The following GRM1 variants were observed in gnomAD, a reference collection of about 807,000 sequenced individuals.
GRM1 encodes glutamate metabotropic receptor 1.
In GRM1, 33 loss-of-function variants were observed where a neutral mutation model predicts 90.9. The observed-to-expected ratio is 0.36, with a 90% CI of 0.28 to 0.49. GRM1 has a LOEUF of 0.49. Ranked by LOEUF, GRM1 falls within the 20% of genes least tolerant of loss-of-function variation. The probability of loss-of-function intolerance (pLI) is 0.99; values close to 1 mark genes in which losing one functional copy is unlikely to be tolerated. For synonymous variants in GRM1, 700 were observed against 613.2 expected (o/e 1.14, Z -2.09); for missense variants, 1,190 against 1,534.3 (o/e 0.78, Z 3.75).
At chr6:146,165,967 T>C (rs1331921497) in intron 2 of GRM1, among the ~76,000 whole-genome samples, 1 of 152,092 alleles carries the variant, frequency 6.6e-6, no homozygotes, top group Admixed American at 6.6e-5. Flanking sequence ...TCCACTTTCA[T>C]GGTCTTTACC....
chr6:146,083,609 T>C (rs1776441258), intron 1 of GRM1, among the ~76,000 whole-genome samples: 1 of 152,240 alleles, frequency 6.6e-6, no homozygotes, highest in Non-Finnish European at 1.5e-5. Context: ...GATAAGTTTT[T>C]TGATGTGCTG....
intron 1 of GRM1, 132 bp downstream of exon 1, chr6:146,030,349 C>T (rs1357233835): frequency 5.5e-6 from 4 of 730,512 alleles, no homozygotes; most frequent in African/African-American, 3.5e-5. Flanking sequence ...CTCAGTACTG[C>T]CCACCCAGGC....
intron 3 of GRM1, among the ~76,000 whole-genome samples, chr6:146,319,690 A>G (rs1174594254): frequency 6.6e-6 from 1 of 152,060 alleles, no homozygotes; most frequent in Non-Finnish European, 1.5e-5. Flanking sequence ...ATCCCTTGTA[A>G]GTTGTATTCC....
chr6:146,117,329 T>G (rs1259788370), intron 1 of GRM1, among the ~76,000 whole-genome samples: 1 of 151,884 alleles, frequency 6.6e-6, no homozygotes, highest in African/African-American at 2.4e-5. Context: ...GTTATTAATA[T>G]ATGGCTATTA....
In GRM1 at chr6:146,425,878, C is replaced by T. The variant is rs74441906; in HGVS notation, c.2661-7994C>T. On this transcript the variant is annotated intron_variant, in intron 7 of 7. Transcript: ENST00000282753. The stretch of plus-strand genomic sequence containing the variant: ...CCGACTACCCCTGGCTGCCCATCAG[C>T]CTTGTCATGTCTAGCTAGTTCTCTT... Among the ~76,000 whole-genome samples the T allele has an allele frequency of 7.4e-3, 1,120 of 152,306 alleles. 17 individuals are homozygous for T. The highest frequency in any genetic ancestry group is 0.026 in the African/African-American group (1,070 of 41,556).
chr6:146,129,649 G>T (rs1776318694), intron 1 of GRM1, among the ~76,000 whole-genome samples: 1 of 152,174 alleles, frequency 6.6e-6, no homozygotes, highest in Admixed American at 6.5e-5. Context: ...AAGGCTGTTT[G>T]AGATAGAAGG....
At chr6:146,136,306 A>T (rs1341420980) in intron 1 of GRM1, among the ~76,000 whole-genome samples, 2 of 152,172 alleles carry the variant, frequency 1.3e-5, no homozygotes, top group Admixed American at 6.5e-5. Flanking sequence ...TAGAAGTGGG[A>T]TGCTAGAATA....
At chr6:146,278,435 T>C (rs898310646) in intron 2 of GRM1, among the ~76,000 whole-genome samples, 4 of 152,158 alleles carry the variant, frequency 2.6e-5, no homozygotes, top group Non-Finnish European at 5.9e-5. Context: ...GACATGTTAC[T>C]TATTCTGCCT....
At chr6:146,096,891 T>C (rs985259595) in intron 1 of GRM1, among the ~76,000 whole-genome samples, 8 of 152,208 alleles carry the variant, frequency 5.3e-5, no homozygotes, top group Admixed American at 3.9e-4. Flanking sequence ...AGGAAACAGA[T>C]GATATTTGGT....
At position 146,399,749 on chromosome 6, in the gene GRM1, C is replaced by T. The variant is rs1562670233; in HGVS notation, c.2660+50C>T. The T allele has an allele frequency of 8.2e-7, 1 of 1,221,410 alleles. No individual in the cohort carries two copies. The allele number at this position is 1,221,410 out of a possible 1,614,324, so 75.7% of individuals were successfully genotyped here. Reference sequence around the variant, plus strand: ...CTCTTTTCTCTTCCTTTCTCTGTCTCTTTCTCTCTCTCTCTCTCTCTCTCT... The same window carrying T: ...CTCTTTTCTCTTCCTTTCTCTGTCTTTTTCTCTCTCTCTCTCTCTCTCTCT... On this transcript the variant is annotated intron_variant, in intron 7 of 7. Transcript: ENST00000282753. This position sits in a 1 kb window ranked among gnomAD's most constrained non-coding sequence, Gnocchi z 5.4.
intron 2 of GRM1, among the ~76,000 whole-genome samples, chr6:146,296,892 C>T (rs902938827): frequency 1.3e-5 from 2 of 152,168 alleles, no homozygotes; most frequent in African/African-American, 4.8e-5. Flanking sequence ...GTTTGGGTCT[C>T]AGCTTCAGCT....
At chr6:146,253,415 C>G (rs946403800) in intron 2 of GRM1, among the ~76,000 whole-genome samples, 1 of 152,008 alleles carries the variant, frequency 6.6e-6, no homozygotes, top group African/African-American at 2.4e-5. Flanking sequence ...AGTGAAGGAG[C>G]TGAATTTTAT....
chr6:146,271,834 C>G (rs983947376), intron 2 of GRM1, among the ~76,000 whole-genome samples: 3 of 152,142 alleles, frequency 2.0e-5, no homozygotes, highest in Non-Finnish European at 4.4e-5. Context: ...AATCACTCAC[C>G]CATTAGAAGA....
intron 1 of GRM1, among the ~76,000 whole-genome samples, chr6:146,085,555 A>G (rs1490731176): frequency 6.6e-6 from 1 of 152,272 alleles, no homozygotes; most frequent in East Asian, 1.9e-4. Flanking sequence ...CCTTTGTTAA[A>G]TATAAGTGAC....
chr6:146,392,839 T>C (rs375644638), intron 6 of GRM1, among the ~76,000 whole-genome samples: 16 of 152,218 alleles, frequency 1.1e-4, no homozygotes, highest in East Asian at 9.6e-4. Flanking sequence ...TCCAGCTTAA[T>C]CCATGTCCCT....
chr6:146,329,956 G>A (rs1431558539), intron 3 of GRM1, among the ~76,000 whole-genome samples: 4 of 152,166 alleles, frequency 2.6e-5, no homozygotes, highest in Admixed American at 6.5e-5. Context: ...GTTGTATGTC[G>A]GGGACTGCCT....
intron 1 of GRM1, among the ~76,000 whole-genome samples, chr6:146,060,827 C>T (rs2128853759): frequency 6.6e-6 from 1 of 152,268 alleles, no homozygotes; most frequent in South Asian, 2.1e-4. Flanking sequence ...AATCACTGTG[C>T]TGCTTTCCAC....
chr6:146,114,700 A>G (rs778932797), intron 1 of GRM1, among the ~76,000 whole-genome samples: 1 of 152,138 alleles, frequency 6.6e-6, no homozygotes, highest in Non-Finnish European at 1.5e-5. Context: ...GACTGGATAG[A>G]AAGGAATGTA....
intron 2 of GRM1, among the ~76,000 whole-genome samples, chr6:146,260,592 G>A (rs60708374): frequency 0.095 from 14,412 of 151,980 alleles, 1,811 homozygotes; most frequent in African/African-American, 0.28. Context: ...TTCCACAGTG[G>A]TCGAACTAAT....
Sources: allele counts gnomAD v4.1 joint callset (sites outside exome capture counted in the v4.1 genomes callset), GRCh38; gene constraint gnomAD v4.1.1; non-coding constraint Gnocchi (gnomAD v3.1); transcripts MANE v1.5; gene names NCBI Gene and HGNC (gene_info 2026-07-23, HGNC 2026-07-21).